TOP6BL: variants seen among roughly 807,000 people sequenced by gnomAD.
TOP6BL encodes the protein type 2 DNA topoisomerase 6 subunit B-like.
the TOP6BL span, among the ~76,000 whole-genome samples, chr11:66,833,136 C>T: frequency 6.6e-6 from 1 of 151,454 alleles, no homozygotes; most frequent in Admixed American, 6.6e-5. Flanking sequence ...GCAACCTCCG[C>T]CTCCTGGGTT....
chr11:66,831,996 C>CAAAAAAAAAAAAA, the TOP6BL span, among the ~76,000 whole-genome samples: 1 of 46,646 alleles, frequency 2.1e-5, no homozygotes, highest in African/African-American at 8.5e-5. Flanking sequence ...GACTCTGTCT[C>CAAAAAAAAAAAAA]AAAAAAAAAA....
the TOP6BL span, among the ~76,000 whole-genome samples, chr11:66,785,279 C>G: frequency 6.6e-6 from 1 of 151,958 alleles, no homozygotes; most frequent in African/African-American, 2.4e-5. Flanking sequence ...ATTTCTAATA[C>G]CCCATTACTT....
the TOP6BL span, among the ~76,000 whole-genome samples, chr11:66,745,316 G>T: frequency 1.4e-5 from 2 of 141,132 alleles, no homozygotes; most frequent in Non-Finnish European, 3.1e-5. Context: ...GGGCGGGGTG[G>T]GGGGAGTCGG....
chr11:66,803,278 G>A, the TOP6BL span, among the ~76,000 whole-genome samples: 77,425 of 151,938 alleles, frequency 0.51, 22,164 homozygotes, highest in African/African-American at 0.79. Flanking sequence ...AGTGGAGGAA[G>A]TATACTTGAG....
chr11:66,836,275 G>C, the TOP6BL span, among the ~76,000 whole-genome samples: 1 of 152,010 alleles, frequency 6.6e-6, no homozygotes, highest in Non-Finnish European at 1.5e-5. Flanking sequence ...GGAGTGCAGT[G>C]GCGCTATCTC....
At chr11:66,798,627 G>C in the TOP6BL span, among the ~76,000 whole-genome samples, 1 of 148,524 alleles carries the variant, frequency 6.7e-6, no homozygotes, top group Non-Finnish European at 1.5e-5. Context: ...AAAAAGTTAA[G>C]GGATAGGGGT....
At chr11:66,792,703 A>G in the TOP6BL span, among the ~76,000 whole-genome samples, 1 of 152,194 alleles carries the variant, frequency 6.6e-6, no homozygotes, top group Non-Finnish European at 1.5e-5. Context: ...CTTGCATAGA[A>G]ACTGCTTGAC....
the TOP6BL span, chr11:66,744,808 G>T: frequency 7.7e-7 from 1 of 1,291,734 alleles, no homozygotes; most frequent in Non-Finnish European, 9.8e-7. Flanking sequence ...TCCAAGCCCG[G>T]GCTGAGGAGG....
chr11:66,778,329 C>T, the TOP6BL span, among the ~76,000 whole-genome samples: 3 of 152,080 alleles, frequency 2.0e-5, no homozygotes, highest in Admixed American at 2.0e-4. Context: ...TTTCAAGATG[C>T]TCAGTTGGCT....
chr11:66,833,955 A>G, the TOP6BL span, among the ~76,000 whole-genome samples: 2 of 152,064 alleles, frequency 1.3e-5, no homozygotes, highest in African/African-American at 4.8e-5. Flanking sequence ...CTCAAAAAAA[A>G]AAAAAGATCT....
chr11:66,745,797 T>G, the TOP6BL span, among the ~76,000 whole-genome samples: 12 of 30,856 alleles, frequency 3.9e-4, no homozygotes, highest in South Asian at 0.013. Context: ...CTTTAGGGTT[T>G]GTTTGTTTGT....
At chr11:66,842,753 C>A in the TOP6BL span, 1 of 1,228,612 alleles carries the variant, frequency 8.1e-7, no homozygotes, top group Non-Finnish European at 1.1e-6. Context: ...GTGGGAAGAG[C>A]CCCTCGGCGC....
the TOP6BL span, among the ~76,000 whole-genome samples, chr11:66,837,080 C>A: frequency 6.6e-6 from 1 of 152,122 alleles, no homozygotes; most frequent in Non-Finnish European, 1.5e-5. Flanking sequence ...TTCTCCCATT[C>A]TTGTGGATTG....
chr11:66,767,485 C>CA, the TOP6BL span, among the ~76,000 whole-genome samples: 2 of 151,934 alleles, frequency 1.3e-5, no homozygotes, highest in African/African-American at 4.8e-5. Flanking sequence ...GCTGCTTTTT[C>CA]CTCTTTCTTC....
the TOP6BL span, among the ~76,000 whole-genome samples, chr11:66,827,647 T>C: frequency 1.3e-5 from 2 of 152,078 alleles, no homozygotes; most frequent in Admixed American, 6.6e-5. Context: ...CAGATGGATC[T>C]TCTGGATATT....
the TOP6BL span, among the ~76,000 whole-genome samples, chr11:66,841,991 C>G: frequency 6.6e-6 from 1 of 152,042 alleles, no homozygotes; most frequent in African/African-American, 2.4e-5. Flanking sequence ...GGCGGGAGGA[C>G]AGCTTGAGAC....
the TOP6BL span, chr11:66,795,749 A>C: frequency 6.6e-6 from 1 of 151,640 alleles, no homozygotes; most frequent in Non-Finnish European, 1.5e-5. Flanking sequence ...TTTTTACAGA[A>C]CCAGTACTAG....
the TOP6BL span, chr11:66,801,147 C>T: frequency 6.4e-7 from 1 of 1,565,396 alleles, no homozygotes; most frequent in East Asian, 2.2e-5. Flanking sequence ...TTTTACTCTC[C>T]TCTCGAGTAC....
At chr11:66,785,275 A>G in the TOP6BL span, among the ~76,000 whole-genome samples, 8 of 152,076 alleles carry the variant, frequency 5.3e-5, no homozygotes, top group African/African-American at 1.9e-4. Context: ...CAAGATTTCT[A>G]ATACCCCATT....
Sources: allele counts gnomAD v4.1 joint callset (sites outside exome capture counted in the v4.1 genomes callset), GRCh38; gene constraint gnomAD v4.1.1; transcripts MANE v1.5; gene names NCBI Gene and HGNC (gene_info 2026-07-23, HGNC 2026-07-21).